The following NSUN3 variants were observed in gnomAD, a reference collection of about 807,000 sequenced individuals.
The protein encoded by NSUN3 is tRNA (cytosine(34)-C(5))-methyltransferase, mitochondrial.
In NSUN3, 24 loss-of-function variants were observed where a neutral mutation model predicts 36.8. The ratio of observed to expected loss-of-function variants is 0.65; its 90% CI spans 0.47 to 0.92. The LOEUF (loss-of-function observed/expected upper bound fraction) is 0.92, where lower values mean the gene tolerates loss of function less well. Among genes scored for constraint, NSUN3 ranks in the 40% least tolerant of loss-of-function variants. The probability of loss-of-function intolerance (pLI) is 0.00; values close to 1 mark genes in which losing one functional copy is unlikely to be tolerated. For missense variants in NSUN3, 381 were observed against 392.8 expected, an observed-to-expected ratio of 0.97 and a Z score of 0.25; for synonymous variants, 146 against 145.2, an observed-to-expected ratio of 1.01 and a Z score of -0.04.
At chr3:94,114,854 A>T (rs1024194781) in intron 5 of NSUN3, among the ~76,000 whole-genome samples, 1 of 152,194 alleles carries the variant, frequency 6.6e-6, no homozygotes, top group African/African-American at 2.4e-5. Context: ...ATAATTGAGA[A>T]CATGTGATAC....
intron 1 of NSUN3, chr3:94,063,414 G>T (rs1194794469): frequency 8.2e-6 from 4 of 487,416 alleles, no homozygotes; most frequent in Non-Finnish European, 1.1e-5. Flanking sequence ...TATCCCGGGA[G>T]CTTAGAACAG....
chr3:94,086,921 G>A (rs1342818411), intron 3 of NSUN3, among the ~76,000 whole-genome samples: 1 of 152,146 alleles, frequency 6.6e-6, no homozygotes, highest in African/African-American at 2.4e-5. Flanking sequence ...AAGGATGAAA[G>A]GGAAATGTCA....
chr3:94,090,786 A>G (rs752999221), intron 3 of NSUN3, among the ~76,000 whole-genome samples: 12 of 152,214 alleles, frequency 7.9e-5, no homozygotes, highest in Non-Finnish European at 1.5e-4. Context: ...CTTTTGACCT[A>G]AGAACATTTT....
chr3:94,131,324 G>A lies in NSUN3; in HGVS notation c.*4834G>A, dbSNP rs115092898. Among the ~76,000 whole-genome samples, 2,042 of 152,212 alleles carry A rather than the reference G, an allele frequency of 0.013. 18 individuals carry two copies. The highest frequency in any genetic ancestry group is 0.027 in the Middle Eastern group (8 of 294). ...TTTCATAGTTAAAGGGTAGAGCCGCGATCAAAACTGGCTCCGAGGTCCAGG... is the reference window on the plus strand; with the variant it reads ...TTTCATAGTTAAAGGGTAGAGCCGCAATCAAAACTGGCTCCGAGGTCCAGG... On this transcript the variant is annotated 3_prime_UTR_variant, in exon 6 of 6. Coordinates refer to ENST00000314622, the MANE Select transcript of NSUN3 (RefSeq NM_022072.5).
intron 3 of NSUN3, among the ~76,000 whole-genome samples, chr3:94,093,812 A>G (rs945016286): frequency 6.6e-6 from 1 of 152,216 alleles, no homozygotes; most frequent in Admixed American, 6.5e-5. Context: ...TATTGGTTGT[A>G]TAACATATCT....
At chr3:94,077,789 C>T (rs1025039633) in intron 2 of NSUN3, among the ~76,000 whole-genome samples, 2 of 152,138 alleles carry the variant, frequency 1.3e-5, no homozygotes, top group Non-Finnish European at 1.5e-5. Flanking sequence ...GTGATATCCC[C>T]TATATTATTT....
At chr3:94,067,944 T>C (rs1313085495) in intron 2 of NSUN3, among the ~76,000 whole-genome samples, 2 of 152,074 alleles carry the variant, frequency 1.3e-5, no homozygotes, top group African/African-American at 4.8e-5. Context: ...GTCTGCAGTA[T>C]TATGTTTGGA....
intron 2 of NSUN3, among the ~76,000 whole-genome samples, chr3:94,078,480 C>T (rs982985638): frequency 6.6e-6 from 1 of 152,100 alleles, no homozygotes; most frequent in East Asian, 1.9e-4. Flanking sequence ...GAGTTCAAGT[C>T]CTGAATATCC....
At chr3:94,103,944 A>T (rs2077376236) in intron 5 of NSUN3, among the ~76,000 whole-genome samples, 1 of 152,234 alleles carries the variant, frequency 6.6e-6, no homozygotes. Context: ...CAGGTGACCC[A>T]ATTAAATCTT....
At chr3:94,116,985 CTTTTTTTTTTTT>C (rs60234250) in intron 5 of NSUN3, among the ~76,000 whole-genome samples, 4 of 63,958 alleles carry the variant, frequency 6.3e-5, no homozygotes, top group Non-Finnish European at 8.3e-5. Context: ...TCTGCCACAA[CTTTTTTTTTTTT>C]TTTTTTTTTT....
At chr3:94,100,792 G>A (rs561773925) in intron 5 of NSUN3, among the ~76,000 whole-genome samples, 6 of 151,946 alleles carry the variant, frequency 3.9e-5, no homozygotes, top group African/African-American at 4.8e-5. Flanking sequence ...TTATGACTGC[G>A]TGAAGGCATG....
At chr3:94,101,058 C>T (rs2077363887) in intron 5 of NSUN3, among the ~76,000 whole-genome samples, 1 of 151,980 alleles carries the variant, frequency 6.6e-6, no homozygotes, top group Admixed American at 6.6e-5. Context: ...GTGGTGCGAT[C>T]ATAACTCACT....
At chr3:94,115,655 G>A (rs189577580) in intron 5 of NSUN3, among the ~76,000 whole-genome samples, 21 of 152,222 alleles carry the variant, frequency 1.4e-4, no homozygotes, top group South Asian at 2.1e-4. Flanking sequence ...AATCACTCTC[G>A]TTTCGGTCAA....
At chr3:94,097,627 C>T (rs2077348462) in intron 5 of NSUN3, among the ~76,000 whole-genome samples, 1 of 152,122 alleles carries the variant, frequency 6.6e-6, no homozygotes, top group African/African-American at 2.4e-5. Flanking sequence ...ACTTTAATAG[C>T]TGTGTTGAAT....
intron 2 of NSUN3, among the ~76,000 whole-genome samples, chr3:94,082,549 G>A (rs765515396): frequency 5.3e-5 from 8 of 152,116 alleles, no homozygotes; most frequent in Non-Finnish European, 1.0e-4. Context: ...AATTCACATG[G>A]CACGCTTCCA....
intron 5 of NSUN3, among the ~76,000 whole-genome samples, chr3:94,101,480 A>G (rs973083598): frequency 6.6e-6 from 1 of 152,136 alleles, no homozygotes; most frequent in Admixed American, 6.5e-5. Flanking sequence ...TCAAAACAAT[A>G]TGAGTTCTTT....
At chr3:94,086,813 G>A (rs990807481) in intron 3 of NSUN3, among the ~76,000 whole-genome samples, 7 of 152,280 alleles carry the variant, frequency 4.6e-5, no homozygotes, top group African/African-American at 9.6e-5. Flanking sequence ...GTTATAAGGA[G>A]CACTTATTTT....
chr3:94,071,408 G>A lies in NSUN3; in HGVS notation c.122+6862G>A, dbSNP rs538005121. ...GAATGTAAATAAAAGAGGAAAACGA[G>A]CAGCATAAAATTTCCACCTGTTAAA... On this transcript the variant is annotated intron_variant, in intron 2 of 5. Transcript: ENST00000314622. Among the ~76,000 whole-genome samples, 236 of 152,220 alleles carry A rather than the reference G, an allele frequency of 1.6e-3. 2 individuals are homozygous for A. Among genetic ancestry groups the A allele is most frequent in the African/African-American group, 5.4e-3 (224 of 41,552 alleles).
At chr3:94,098,553 G>A (rs535912889) in intron 5 of NSUN3, among the ~76,000 whole-genome samples, 2 of 152,232 alleles carry the variant, frequency 1.3e-5, no homozygotes, top group South Asian at 2.1e-4. Context: ...AATTCTAAAA[G>A]AGCTGCAATA....
Sources: gnomAD v4.1 joint callset for allele counts (sites outside exome capture counted in the v4.1 genomes callset) on GRCh38, gnomAD v4.1.1 for gene constraint, MANE v1.5 for transcripts, NCBI Gene and HGNC (gene_info 2026-07-23, HGNC 2026-07-21) for gene names.